ACBD5: variants seen among roughly 807,000 people sequenced by gnomAD.
ACBD5 encodes the protein acyl-CoA-binding domain-containing protein 5.
A neutral mutation model predicts 71.8 loss-of-function variants in ACBD5; 40 were observed. That is an observed-to-expected ratio of 0.56 (90% CI 0.43 to 0.72). The LOEUF (loss-of-function observed/expected upper bound fraction) is 0.72. Ranked by LOEUF, ACBD5 falls within the 30% of genes least tolerant of loss-of-function variation. The pLI, the probability that ACBD5 is intolerant of heterozygous loss-of-function variation, is 0.00. For synonymous variants in ACBD5, 229 were observed against 218.6 expected, an observed-to-expected ratio of 1.05 and a Z score of -0.42; for missense variants, 559 against 644.5, an observed-to-expected ratio of 0.87 and a Z score of 1.44.
chr10:27,241,768 TGAG>T (rs1324241183), upstream of ACBD5, among the ~76,000 whole-genome samples: 1 of 151,772 alleles, frequency 6.6e-6, no homozygotes, highest in African/African-American at 2.4e-5. Flanking sequence ...GCGGGGCCAA[TGAG>T]GAGTCTTTAC....
intron 13 of ACBD5, among the ~76,000 whole-genome samples, chr10:27,183,863 T>C (rs1352581080): frequency 6.6e-6 from 1 of 151,950 alleles, no homozygotes; most frequent in African/African-American, 2.4e-5. Flanking sequence ...TGGTGCACAC[T>C]ACCACACCCA....
chr10:27,204,302 C>T (rs1215457606), intron 12 of ACBD5, 138 bp downstream of exon 12: 3 of 681,590 alleles, frequency 4.4e-6, no homozygotes, highest in Non-Finnish European at 7.9e-6. Flanking sequence ...CAGTTTCAGT[C>T]TCAGGATAAA....
At position 27,215,586 on chromosome 10, in the gene ACBD5, A is replaced by C. The variant is rs956355524; in HGVS notation, c.885T>G (p.Asp295Glu). The change falls in exon 8 of 13, where the codon GAT (aspartate) becomes GAG (glutamate). Residue 295 changes from aspartate (D) to glutamate (E), a missense_variant. Coordinates refer to ENST00000396271, the MANE Select transcript of ACBD5 (RefSeq NM_145698.5). ...DVTGIQHLTS[D>E]SDSEVYCDSM... ...AATCACAGTAAACTTCACTGTCTGA[A>C]TCGCTTGTCAAATGCTGAATTCCTG... is the stretch of plus-strand genomic sequence containing the variant. The C allele has an allele frequency of 1.9e-6, 3 of 1,613,732 alleles. No homozygotes were observed. The highest frequency in any genetic ancestry group is 1.7e-5 in the Admixed American group (1 of 60,006).
At chr10:27,239,280 G>C (rs1236051875) in intron 2 of ACBD5, among the ~76,000 whole-genome samples, 7 of 152,194 alleles carry the variant, frequency 4.6e-5, no homozygotes, top group African/African-American at 1.4e-4. Context: ...TTGCTTCTAA[G>C]ACTCTGCATT....
downstream of ACBD5, among the ~76,000 whole-genome samples, chr10:27,190,889 A>G (rs2059048958): frequency 6.6e-6 from 1 of 152,134 alleles, no homozygotes; most frequent in Admixed American, 6.5e-5. Flanking sequence ...TTTGACACCT[A>G]ACTTCTGGCT....
At chr10:27,218,329 CCT>C in intron 6 of ACBD5, 146 bp from the exon 7 acceptor site, 1 of 721,866 alleles carries the variant, frequency 1.4e-6, no homozygotes, top group South Asian at 1.5e-5. Context: ...AAGGCGTGCT[CCT>C]TGAAATGGGG....
At chr10:27,211,104 A>G (rs199794701) in intron 8 of ACBD5, 23 bp from the exon 9 acceptor site, 42 of 1,613,270 alleles carry the variant, frequency 2.6e-5, no homozygotes, top group South Asian at 3.3e-5. Context: ...AATGACACTT[A>G]GTTAAAAGCT....
chr10:27,190,670 G>A (rs1360013261), downstream of ACBD5, among the ~76,000 whole-genome samples: 1 of 152,110 alleles, frequency 6.6e-6, no homozygotes, highest in African/African-American at 2.4e-5. Context: ...TTTACACCAG[G>A]TCTTTCAATT....
chr10:27,194,646 A>AATAATAAT (rs1196689914), downstream of ACBD5, among the ~76,000 whole-genome samples: 3 of 149,130 alleles, frequency 2.0e-5, no homozygotes, highest in Non-Finnish European at 4.4e-5. Flanking sequence ...TAATAATAAT[A>AATAATAAT]ATAAGATGGT....
chr10:27,231,674 C>A, intron 4 of ACBD5, 74 bp downstream of exon 4: 4 of 1,302,118 alleles, frequency 3.1e-6, no homozygotes, highest in Non-Finnish European at 4.4e-6. Flanking sequence ...AGCAAAGCAG[C>A]TAATTTGTCT....
intron 5 of ACBD5, 147 bp downstream of exon 5, chr10:27,223,191 A>G (rs2062572052): frequency 2.7e-6 from 2 of 734,770 alleles, no homozygotes; most frequent in Non-Finnish European, 5.0e-6. Flanking sequence ...CTTTTACATG[A>G]TTTCATGATT....
At position 27,197,037 on chromosome 10, in the gene ACBD5, A is replaced by T. The variant is rs1472065003; in HGVS notation, c.*393T>A. On this transcript the variant is annotated 3_prime_UTR_variant, in exon 13 of 13. Coordinates refer to ENST00000396271, the MANE Select transcript of ACBD5 (RefSeq NM_145698.5). ...TTTCTTTTATTTAATTTAGAAAATTAAAAATAATAACTTATAAATTTGATC... is the reference window on the plus strand; with the variant it reads ...TTTCTTTTATTTAATTTAGAAAATTTAAAATAATAACTTATAAATTTGATC... The T allele has an allele frequency of 2.3e-6, 1 of 444,098 alleles. No individual in the cohort carries two copies. Among genetic ancestry groups the T allele is most frequent in the Non-Finnish European group, 4.5e-6 (1 of 223,514 alleles). The allele number at this position is 444,098 out of a possible 1,614,324, so 27.5% of individuals were successfully genotyped here. A position where few individuals can be genotyped will look rare whatever the true frequency, so the allele number is the denominator to read the frequency against.
chr10:27,223,513 A>G, intron 4 of ACBD5, 61 bp from the exon 5 acceptor site: 1 of 1,154,478 alleles, frequency 8.7e-7, no homozygotes, highest in South Asian at 1.2e-5. Flanking sequence ...CTCCACTAAT[A>G]TCAAATAATC....
chr10:27,217,511 T>C (rs538171277), intron 7 of ACBD5, among the ~76,000 whole-genome samples: 5 of 150,306 alleles, frequency 3.3e-5, no homozygotes, highest in African/African-American at 1.2e-4. Flanking sequence ...TGTACTATTA[T>C]GTATCCCTAA....
At chr10:27,222,222 G>A (rs954194948) in intron 5 of ACBD5, among the ~76,000 whole-genome samples, 12 of 151,972 alleles carry the variant, frequency 7.9e-5, no homozygotes, top group Admixed American at 2.0e-4. Flanking sequence ...GATGCCAGGC[G>A]ATTTTTATTT....
At chr10:27,212,813 T>C (rs2137135916) in intron 8 of ACBD5, among the ~76,000 whole-genome samples, 1 of 152,270 alleles carries the variant, frequency 6.6e-6, no homozygotes, top group East Asian at 1.9e-4. Flanking sequence ...CCTCCCACAG[T>C]GTTGGGATTA....
At chr10:27,221,917 C>CAAAAA (rs56253187) in intron 5 of ACBD5, among the ~76,000 whole-genome samples, 35 of 77,060 alleles carry the variant, frequency 4.5e-4, no homozygotes, top group African/African-American at 7.5e-4. Flanking sequence ...GACTCCATCT[C>CAAAAA]AAAAAAAAAA....
intron 8 of ACBD5, among the ~76,000 whole-genome samples, chr10:27,214,931 A>G (rs1480396033): frequency 6.6e-6 from 1 of 152,206 alleles, no homozygotes; most frequent in Admixed American, 6.5e-5. Context: ...TGAGAGGCTG[A>G]GGTGGGCAGA....
intron 4 of ACBD5, among the ~76,000 whole-genome samples, chr10:27,223,849 A>G (rs1316947401): frequency 1.3e-5 from 2 of 152,088 alleles, no homozygotes; most frequent in African/African-American, 4.8e-5. Flanking sequence ...GGTCGAGGCT[A>G]CAGTGAGCCA....
Sources: allele counts gnomAD v4.1 joint callset (sites outside exome capture counted in the v4.1 genomes callset), GRCh38; gene constraint gnomAD v4.1.1; transcripts MANE v1.5; gene names NCBI Gene and HGNC (gene_info 2026-07-23, HGNC 2026-07-21).